Variants in ETV1 observed in about 807,000 individuals in gnomAD.
ETV1 encodes the protein ETS variant transcription factor 1.
ETV1 carries 27 observed loss-of-function variants against 62.3 expected under a neutral mutation model. The ratio of observed to expected loss-of-function variants is 0.43; its 90% CI spans 0.32 to 0.60. The LOEUF (loss-of-function observed/expected upper bound fraction) is 0.60, where lower values mean the gene tolerates loss of function less well. Ranked by LOEUF, ETV1 falls within the 20% of genes least tolerant of loss-of-function variation. The pLI, the probability that ETV1 is intolerant of heterozygous loss-of-function variation, is 0.06. For missense variants in ETV1, 605 were observed against 605.8 expected (o/e 1.00, Z 0.01); for synonymous variants, 222 against 199.6 (o/e 1.11, Z -0.94).
At chr7:13,906,858 T>C (rs1021587074) in intron 11 of ETV1, among the ~76,000 whole-genome samples, 1 of 152,140 alleles carries the variant, frequency 6.6e-6, no homozygotes, top group Non-Finnish European at 1.5e-5. Context: ...ATGACACACA[T>C]CATTTACTTA....
intron 6 of ETV1, among the ~76,000 whole-genome samples, chr7:13,956,622 G>C (rs1789494091): frequency 6.6e-6 from 1 of 152,198 alleles, no homozygotes. Context: ...GTGGTGTACA[G>C]GTGTTATTGG....
chr7:13,934,332 C>T (rs1279283299), intron 8 of ETV1, among the ~76,000 whole-genome samples: 1 of 152,202 alleles, frequency 6.6e-6, no homozygotes, highest in African/African-American at 2.4e-5. Context: ...GTAAAGAACG[C>T]TTTCATCTTA....
Position 13,931,521 on chromosome 7 carries a change from T to C in ETV1, c.783A>G (p.Arg261=), listed in dbSNP as rs775805277. 3.1e-6 allele frequency: 5 copies of C among 1,614,028 alleles called. No homozygotes were observed. Among genetic ancestry groups the C allele is most frequent in the Non-Finnish European group, 4.2e-6 (5 of 1,179,880 alleles). Residue 261 remains arginine, a synonymous_variant, in exon 9 of 14, where the codon AGA becomes AGG. Coordinates refer to ENST00000430479, the MANE Select transcript of ETV1 (RefSeq NM_004956.5). ...GCCTACCTGAGTCATATGCAAAATCTCTGGGTTCCTGTTTAATCATCAGAG... is the reference window on the plus strand; with the variant it reads ...GCCTACCTGAGTCATATGCAAAATCCCTGGGTTCCTGTTTAATCATCAGAG... ...PPPLMIKQEP[R]DFAYDSEVPS... is the part of the protein sequence containing the mutation.
At chr7:13,969,863 G>A (rs1252604523) in intron 6 of ETV1, among the ~76,000 whole-genome samples, 1 of 152,146 alleles carries the variant, frequency 6.6e-6, no homozygotes, top group African/African-American at 2.4e-5. Context: ...CAACTAAAAG[G>A]CAGTTGCTTC....
chr7:13,960,297 A>G (rs566354311), intron 6 of ETV1, among the ~76,000 whole-genome samples: 1 of 152,304 alleles, frequency 6.6e-6, no homozygotes, highest in Admixed American at 6.5e-5. Flanking sequence ...GCTATTCTGA[A>G]TCTTCATTAC....
intron 9 of ETV1, among the ~76,000 whole-genome samples, chr7:13,928,460 C>A (rs1356559814): frequency 6.6e-6 from 1 of 151,818 alleles, no homozygotes; most frequent in Non-Finnish European, 1.5e-5. Context: ...ACTAAAAATA[C>A]AAAATTAGCC....
chr7:13,908,787 C>G (rs1157201129), intron 11 of ETV1, among the ~76,000 whole-genome samples: 1 of 152,050 alleles, frequency 6.6e-6, no homozygotes, highest in Admixed American at 6.6e-5. Flanking sequence ...CAATTTAAAA[C>G]TTCAGAGAGC....
chr7:13,920,164 T>G (rs1784674675), intron 9 of ETV1, among the ~76,000 whole-genome samples: 1 of 152,146 alleles, frequency 6.6e-6, no homozygotes, highest in Non-Finnish European at 1.5e-5. Context: ...CTTTCCTGCC[T>G]GTAAAATCCA....
At chr7:13,902,731 A>G (rs1782566757) in intron 12 of ETV1, among the ~76,000 whole-genome samples, 1 of 152,154 alleles carries the variant, frequency 6.6e-6, no homozygotes, top group Non-Finnish European at 1.5e-5. Context: ...ATTTTCTAGA[A>G]ACTCACCAGG....
intron 6 of ETV1, among the ~76,000 whole-genome samples, chr7:13,966,914 A>AG (rs1203522097): frequency 6.6e-6 from 1 of 152,178 alleles, no homozygotes; most frequent in Non-Finnish European, 1.5e-5. Flanking sequence ...AAAGCCTGTC[A>AG]TATAATAGGG....
intron 5 of ETV1, chr7:13,986,382 A>G: frequency 6.7e-7 from 1 of 1,486,694 alleles, no homozygotes; most frequent in Non-Finnish European, 8.9e-7. Flanking sequence ...GTCTTGGTGC[A>G]TTAGTTCTTG....
intron 5 of ETV1, among the ~76,000 whole-genome samples, chr7:13,979,361 T>C (rs1244249166): frequency 1.3e-5 from 2 of 152,076 alleles, no homozygotes; most frequent in African/African-American, 4.8e-5. Context: ...TTTAATATCT[T>C]TACTTCTAAT....
intron 6 of ETV1, among the ~76,000 whole-genome samples, chr7:13,962,686 C>T (rs1299893764): frequency 6.6e-6 from 1 of 152,060 alleles, no homozygotes; most frequent in East Asian, 1.9e-4. Flanking sequence ...AACTTAACCA[C>T]ATTTCTACAA....
At chr7:13,946,553 C>G (rs1268823981) in intron 6 of ETV1, among the ~76,000 whole-genome samples, 1 of 152,180 alleles carries the variant, frequency 6.6e-6, no homozygotes, top group African/African-American at 2.4e-5. Context: ...GAACTATGAA[C>G]TATGACACAT....
intron 3 of ETV1, 132 bp from the exon 4 acceptor site, chr7:13,988,305 G>A: frequency 1.6e-6 from 1 of 624,366 alleles, no homozygotes; most frequent in Non-Finnish European, 2.8e-6. Context: ...TAGAAAAATA[G>A]AAGTCCATAG....
chr7:13,989,419 A>T lies in ETV1; in HGVS notation c.-239T>A. The T allele has an allele frequency of 2.3e-6, 1 of 434,302 alleles. No individual in the cohort carries two copies. The highest frequency in any genetic ancestry group is 4.0e-6 in the Non-Finnish European group (1 of 248,214). 26.9% of individuals were successfully genotyped at this position (434,302 alleles called of 1,614,324 possible). A position where few individuals can be genotyped will look rare whatever the true frequency, so the allele number is the denominator to read the frequency against. ...CAGCTCTGATTCGCAAACGTGTGCA[A>T]AACTAGCAATGGCGATCAACGAGAC... On this transcript the variant is annotated 5_prime_UTR_variant, in exon 2 of 14. The change creates a new upstream start codon in the 5' untranslated region. Coordinates refer to ENST00000430479, the MANE Select transcript of ETV1 (RefSeq NM_004956.5).
intron 9 of ETV1, among the ~76,000 whole-genome samples, chr7:13,924,329 T>C (rs1231956075): frequency 6.6e-6 from 1 of 152,138 alleles, no homozygotes; most frequent in Non-Finnish European, 1.5e-5. Flanking sequence ...ATTAGCCACT[T>C]TTTCTTCTCA....
chr7:13,974,197 G>A (rs1161098661), intron 6 of ETV1, among the ~76,000 whole-genome samples: 3 of 152,118 alleles, frequency 2.0e-5, no homozygotes, highest in African/African-American at 7.2e-5. Flanking sequence ...TGAAATAGGA[G>A]GTTCACCAGA....
chr7:13,970,038 C>T (rs1780714378), intron 6 of ETV1, among the ~76,000 whole-genome samples: 2 of 151,692 alleles, frequency 1.3e-5, no homozygotes, highest in African/African-American at 4.8e-5. Context: ...AGGAGAATCA[C>T]GAGGACAGGA....
Sources: allele counts gnomAD v4.1 joint callset (sites outside exome capture counted in the v4.1 genomes callset), GRCh38; gene constraint gnomAD v4.1.1; transcripts MANE v1.5; gene names NCBI Gene and HGNC (gene_info 2026-07-23, HGNC 2026-07-21).